Variants in ZNF148 observed in about 807,000 individuals in gnomAD.
ZNF148 encodes the protein zinc finger protein 148.
ZNF148 carries 7 observed loss-of-function variants against 67.7 expected under a neutral mutation model. The ratio of observed to expected loss-of-function variants is 0.10; its 90% confidence interval spans 0.06 to 0.19. The LOEUF (loss-of-function observed/expected upper bound fraction) is 0.19. ZNF148 is among the 10% of genes least tolerant of loss of function. The probability of loss-of-function intolerance (pLI) is 1.00; values close to 1 mark genes in which losing one functional copy is unlikely to be tolerated. For synonymous variants in ZNF148, 333 were observed against 330.7 expected (o/e 1.01, Z -0.08); for missense variants, 583 against 947.1 (o/e 0.62, Z 5.05).
At chr3:125,340,255 T>C (rs1941657777) in intron 1 of ZNF148, among the ~76,000 whole-genome samples, 1 of 152,202 alleles carries the variant, frequency 6.6e-6, no homozygotes, top group African/African-American at 2.4e-5. Flanking sequence ...AACAACTCTC[T>C]GATGTTGTCC....
chr3:125,326,593 G>GT (rs1234423752), intron 2 of ZNF148, among the ~76,000 whole-genome samples: 1 of 150,276 alleles, frequency 6.7e-6, no homozygotes, highest in Non-Finnish European at 1.5e-5. Flanking sequence ...ATATCTACCT[G>GT]TATCTATGCA....
rs970450577 is a variant in ZNF148 at position 125,229,200 on chromosome 3, C to G, written c.*3141G>C. Reference sequence around the variant, plus strand: ...AGTAATGCCTACTTTTAAAGTTTCCCGGCCTTTTTTTTTTTTTTTTAAACA... The same window carrying G: ...AGTAATGCCTACTTTTAAAGTTTCCGGGCCTTTTTTTTTTTTTTTTAAACA... On this transcript the variant is annotated 3_prime_UTR_variant, in exon 9 of 9. Transcript: ENST00000360647. 1 of 103,596 alleles carries G rather than the reference C, an allele frequency of 9.7e-6. No homozygotes were observed. The highest frequency in any genetic ancestry group is 1.9e-5 in the Non-Finnish European group (1 of 52,764). 6.4% of individuals were successfully genotyped at this position (103,596 alleles called of 1,614,324 possible). A position where few individuals can be genotyped will look rare whatever the true frequency, so the allele number is the denominator to read the frequency against.
chr3:125,246,853 C>T (rs1936622143), intron 7 of ZNF148, among the ~76,000 whole-genome samples: 1 of 152,134 alleles, frequency 6.6e-6, no homozygotes, highest in South Asian at 2.1e-4. Context: ...TAACTACATA[C>T]CCAATAATTT....
At chr3:125,265,901 CAAG>C (rs1937520391) in intron 7 of ZNF148, among the ~76,000 whole-genome samples, 1 of 151,612 alleles carries the variant, frequency 6.6e-6, no homozygotes, top group Non-Finnish European at 1.5e-5. Flanking sequence ...AAATGTAAAA[CAAG>C]AAAGAGTAGG....
At chr3:125,334,459 C>T (rs1941410698) in intron 1 of ZNF148, among the ~76,000 whole-genome samples, 1 of 152,144 alleles carries the variant, frequency 6.6e-6, no homozygotes, top group South Asian at 2.1e-4. Flanking sequence ...GAGCAATTAA[C>T]TCTCCCTTTG....
In ZNF148 at chr3:125,281,006, G is replaced by A. The variant is rs113245763; in HGVS notation, c.460-1759C>T. ...TCTCAAACCTAGAAAAGGGCAGTACGTAAGGGAAAAAAGCTTTAATCCTTA... is the reference window on the plus strand; with the variant it reads ...TCTCAAACCTAGAAAAGGGCAGTACATAAGGGAAAAAAGCTTTAATCCTTA... On this transcript the variant is annotated intron_variant, in intron 5 of 8. Coordinates refer to ENST00000360647, the MANE Select transcript of ZNF148 (RefSeq NM_021964.3). Among the ~76,000 whole-genome samples, 70 of 152,256 alleles carry A rather than the reference G, an allele frequency of 4.6e-4. 1 individual carries two copies. The highest frequency in any genetic ancestry group is 1.6e-3 in the African/African-American group (65 of 41,556).
At chr3:125,251,084 T>C (rs1489279673) in intron 7 of ZNF148, among the ~76,000 whole-genome samples, 1 of 152,194 alleles carries the variant, frequency 6.6e-6, no homozygotes, top group Non-Finnish European at 1.5e-5. Flanking sequence ...GTAACAGTCA[T>C]AGAGAAAAGT....
intron 7 of ZNF148, among the ~76,000 whole-genome samples, chr3:125,238,527 C>T (rs969699600): frequency 1.8e-4 from 27 of 152,042 alleles, no homozygotes; most frequent in African/African-American, 6.3e-4. Flanking sequence ...ACTCAGGAGG[C>T]TGAGGCAGGA....
chr3:125,374,459 C>T (rs1351103450), intron 1 of ZNF148, among the ~76,000 whole-genome samples: 2 of 152,088 alleles, frequency 1.3e-5, no homozygotes, highest in African/African-American at 4.8e-5. Context: ...AGAAACGCTT[C>T]AGTTCTTTCC....
intron 7 of ZNF148, among the ~76,000 whole-genome samples, chr3:125,263,997 A>C (rs1272055512): frequency 6.6e-6 from 1 of 152,238 alleles, no homozygotes; most frequent in Non-Finnish European, 1.5e-5. Context: ...AAAGCCCCTA[A>C]GTAATGAGGT....
intron 7 of ZNF148, among the ~76,000 whole-genome samples, chr3:125,260,929 C>G (rs994419568): frequency 1.3e-5 from 2 of 152,138 alleles, no homozygotes; most frequent in African/African-American, 2.4e-5. Context: ...AAGATCAAAA[C>G]TTCCTGATTT....
At chr3:125,266,967 A>C (rs1307272370) in intron 7 of ZNF148, among the ~76,000 whole-genome samples, 1 of 152,046 alleles carries the variant, frequency 6.6e-6, no homozygotes, top group East Asian at 1.9e-4. Context: ...TTAAATTCTT[A>C]TAAACACACA....
In ZNF148 at chr3:125,229,151, ATGT is replaced by A; in HGVS notation, c.*3187_*3189del. ...AAAAAAAAATGAGTTCTAGTTTAAA[ATGT>A]TCTAAGAAATGCAGTACTACAGTAA... On this transcript the variant is annotated 3_prime_UTR_variant, in exon 9 of 9. Coordinates refer to ENST00000360647, the MANE Select transcript of ZNF148 (RefSeq NM_021964.3). 6.6e-6 allele frequency: 1 copy of A among 152,220 alleles called. No individual in the cohort carries two copies. Among genetic ancestry groups the A allele is most frequent in the Non-Finnish European group, 1.5e-5 (1 of 67,978 alleles). The allele number at this position is 152,220 out of a possible 1,614,324, so 9.4% of individuals were successfully genotyped here.
chr3:125,280,479 C>T (rs1174431741), intron 5 of ZNF148, among the ~76,000 whole-genome samples: 2 of 151,918 alleles, frequency 1.3e-5, no homozygotes, highest in South Asian at 2.1e-4. Context: ...TTCAGGAGTT[C>T]GAGACCAGCC....
At chr3:125,326,506 G>A (rs1421172621) in intron 2 of ZNF148, among the ~76,000 whole-genome samples, 3 of 150,812 alleles carry the variant, frequency 2.0e-5, no homozygotes, top group African/African-American at 4.9e-5. Context: ...AAAATCAATG[G>A]AGTAATTAAA....
At position 125,241,305 on chromosome 3, in the gene ZNF148, TTTTC is replaced by T. The variant is rs200210238; in HGVS notation, c.668-6980_668-6977del. Among the ~76,000 whole-genome samples, 1,133 of 151,332 alleles carry T rather than the reference TTTTC, an allele frequency of 7.5e-3. 10 individuals are homozygous for T. Among genetic ancestry groups the T allele is most frequent in the Middle Eastern group, 0.031 (9 of 290 alleles). On this transcript the variant is annotated intron_variant, in intron 7 of 8. Transcript: ENST00000360647. ...AGTTTCTTTACAGAGTTTCTTTCTT[TTTTC>T]TTTCTTTCTTTTTTTTTTTTTTTAA...
chr3:125,273,479 CT>C (rs979722802), intron 7 of ZNF148, among the ~76,000 whole-genome samples: 1 of 146,108 alleles, frequency 6.8e-6, no homozygotes. Context: ...TCAAAAATCT[CT>C]TTTTTTTGGG....
chr3:125,357,534 C>T (rs1942397213), intron 1 of ZNF148, among the ~76,000 whole-genome samples: 1 of 151,970 alleles, frequency 6.6e-6, no homozygotes, highest in African/African-American at 2.4e-5. Flanking sequence ...CGCACGGACC[C>T]AGGCGGGCGG....
intron 5 of ZNF148, among the ~76,000 whole-genome samples, chr3:125,282,669 T>C (rs1438452265): frequency 6.6e-6 from 1 of 152,126 alleles, no homozygotes; most frequent in Non-Finnish European, 1.5e-5. Context: ...CTCATATCCA[T>C]TATGACATAT....
Sources: gnomAD v4.1 joint callset for allele counts (sites outside exome capture counted in the v4.1 genomes callset) on GRCh38, gnomAD v4.1.1 for gene constraint, MANE v1.5 for transcripts, NCBI Gene and HGNC (gene_info 2026-07-23, HGNC 2026-07-21) for gene names.